PCLO: variants seen among roughly 807,000 people sequenced by gnomAD.
PCLO encodes the protein protein piccolo.
A neutral mutation model predicts 427.5 loss-of-function variants in PCLO; 82 were observed. The observed-to-expected ratio is 0.19, with a 90% CI of 0.16 to 0.23. The LOEUF (loss-of-function observed/expected upper bound fraction) is 0.23. Among genes scored for constraint, PCLO ranks in the 10% least tolerant of loss-of-function variants. The pLI is 1.00. For synonymous variants in PCLO, 2,357 were observed against 2,155.4 expected, an observed-to-expected ratio of 1.09 and a Z score of -2.59; for missense variants, 6,239 against 6,115.9, an observed-to-expected ratio of 1.02 and a Z score of -0.67.
chr7:82,859,294 G>A (rs1792892627), intron 10 of PCLO, among the ~76,000 whole-genome samples: 1 of 152,196 alleles, frequency 6.6e-6, no homozygotes, highest in African/African-American at 2.4e-5. Flanking sequence ...CAGGCCTTGG[G>A]CAAGATCCAG....
In PCLO at chr7:82,915,095, A is replaced by AGAGGAAGGTCTG. The variant is rs781343476; in HGVS notation, c.12879_12890dup (p.Arg4294_Ser4297dup). 9.4e-6 allele frequency: 15 copies of AGAGGAAGGTCTG among 1,600,778 alleles called. No homozygotes were observed. The highest frequency in any genetic ancestry group is 1.3e-5 in the Non-Finnish European group (15 of 1,173,014). On this transcript the variant is annotated inframe_insertion, in exon 7 of 25. Coordinates refer to ENST00000333891, the MANE Select transcript of PCLO (RefSeq NM_033026.6). ...TAATTGATAAATCAAGCCCATAGAC[A>AGAGGAAGGTCTG]GAGGAAGGTCTGGAGGAAGGTCTGG... is the stretch of plus-strand genomic sequence containing the variant.
chr7:82,778,431 T>C (rs148707180), intron 22 of PCLO, among the ~76,000 whole-genome samples: 1 of 152,286 alleles, frequency 6.6e-6, no homozygotes, highest in African/African-American at 2.4e-5. Flanking sequence ...CTCAAAGGAA[T>C]ATAAATCATT....
At chr7:82,777,235 C>T (rs371773903) in intron 22 of PCLO, among the ~76,000 whole-genome samples, 64 of 152,010 alleles carry the variant, frequency 4.2e-4, no homozygotes, top group African/African-American at 1.1e-3. Flanking sequence ...TACAAAATAC[C>T]GCTCAAAGAA....
rs759723422 is a variant in PCLO at position 82,824,400 on chromosome 7, G to A, written c.14432C>T (p.Ser4811Phe). ...AGTGTTATCGAGGTGAGATGTGCTAGATAAATCAATCAATACCTGAAAAAA... is the reference window on the plus strand; with the variant it reads ...AGTGTTATCGAGGTGAGATGTGCTAAATAAATCAATCAATACCTGAAAAAA... ...DFLGEVLIDL[S>F]STSHLDNTPR... Residue 4811 changes from serine to phenylalanine, a missense_variant, in exon 19 of 25, where the codon TCT becomes TTT. By Grantham distance (155) the Ser-to-Phe change is radical (BLOSUM62 -2). Transcript: ENST00000333891. The A allele has an allele frequency of 1.9e-6, 3 of 1,596,308 alleles. No homozygotes were observed. The South Asian group carries it at 3.4e-5, about 18-fold the overall frequency.
Position 82,950,586 on chromosome 7 carries a change from C to T in PCLO, c.10002G>A (p.Gln3334=). The change falls in exon 6 of 25, where the codon CAG becomes CAA. Residue 3334 remains glutamine (Q), a synonymous_variant. Transcript: ENST00000333891. ...CAGCATACTGACCTTCCAAAATTGC[C>T]TGCTCTGTAGTGGTTTGTGGAGAAG... ...GTASPQTTTE[Q]AILEGQYAAL... The T allele has an allele frequency of 6.2e-7, 1 of 1,613,854 alleles. No homozygotes were observed. The highest frequency in any genetic ancestry group is 8.5e-7 in the Non-Finnish European group (1 of 1,179,844).
At chr7:82,921,943 A>C (rs1173608788) in intron 6 of PCLO, among the ~76,000 whole-genome samples, 1 of 152,060 alleles carries the variant, frequency 6.6e-6, no homozygotes, top group Non-Finnish European at 1.5e-5. Flanking sequence ...CATTTCTCAA[A>C]AGACATTCAC....
At chr7:83,038,846 C>T (rs1011599924) in intron 3 of PCLO, among the ~76,000 whole-genome samples, 14 of 151,926 alleles carry the variant, frequency 9.2e-5, no homozygotes, top group African/African-American at 3.1e-4. Context: ...TTCACACCAG[C>T]TGTATATTAG....
intron 1 of PCLO, among the ~76,000 whole-genome samples, chr7:83,161,054 T>C (rs2116708788): frequency 6.6e-6 from 1 of 152,276 alleles, no homozygotes; most frequent in Non-Finnish European, 1.5e-5. Context: ...AAAACATATT[T>C]AACATAAAGG....
At position 82,950,227 on chromosome 7, in the gene PCLO, T is replaced by A. The variant is rs746440597; in HGVS notation, c.10361A>T (p.Asp3454Val). Residue 3454 changes from aspartate (D) to valine (V), a missense_variant, in exon 6 of 25, where the codon GAT becomes GTT. Physicochemically the swap from Asp to Val is radical, Grantham distance 152. Coordinates refer to ENST00000333891, the MANE Select transcript of PCLO (RefSeq NM_033026.6). ...CCTTCTCCTACTCACATAGCTCCGA[T>A]CTGTGGCATCTTCGTCATCCGTTTG... Reference protein sequence around the residue: ...GVQTDDEDATDRSYVSRRRRT... With the variant: ...GVQTDDEDATVRSYVSRRRRT... 1 of 1,612,878 alleles carries A rather than the reference T, an allele frequency of 6.2e-7. No individual in the cohort carries two copies. Among genetic ancestry groups the A allele is most frequent in the South Asian group, 1.1e-5 (1 of 91,000 alleles).
intron 1 of PCLO, among the ~76,000 whole-genome samples, chr7:83,157,478 A>G (rs778748962): frequency 1.3e-5 from 2 of 151,998 alleles, no homozygotes; most frequent in Non-Finnish European, 2.9e-5. Flanking sequence ...CAAGTAGTTA[A>G]TTTTCAAGAT....
At chr7:82,868,804 T>C (rs1793159337) in intron 10 of PCLO, among the ~76,000 whole-genome samples, 1 of 152,222 alleles carries the variant, frequency 6.6e-6, no homozygotes. Context: ...TATATTTCTA[T>C]CTTAGCTCCA....
chr7:82,956,452 C>T lies in PCLO; in HGVS notation c.4501G>A (p.Asp1501Asn). ...GGCTCTCTTCTAGTAGTTATGTCAT[C>T]AACAAACTCAGACTTCTCTTTATGG... is the stretch of plus-strand genomic sequence containing the variant. ...KDHKEKSEFV[D>N]DITTRREPYD... The change falls in exon 5 of 25, where the codon GAT becomes AAT. Residue 1501 changes from aspartate to asparagine, a missense_variant. By Grantham distance (23) the Asp-to-Asn change is conservative. This residue lies in a region of PCLO where 4,677 missense variants were observed against 4,468.4 expected (regional missense o/e 1.05). Transcript: ENST00000333891. 6.2e-7 allele frequency: 1 copy of T among 1,613,784 alleles called. No individual in the cohort carries two copies. The highest frequency in any genetic ancestry group is 8.5e-7 in the Non-Finnish European group (1 of 1,179,794).
chr7:83,094,709 G>A (rs1394558998), intron 3 of PCLO, among the ~76,000 whole-genome samples: 1 of 152,168 alleles, frequency 6.6e-6, no homozygotes, highest in Non-Finnish European at 1.5e-5. Context: ...TTGTGGACAA[G>A]TGGTTGTATG....
chr7:83,141,819 C>T (rs2116639309), intron 2 of PCLO, among the ~76,000 whole-genome samples: 1 of 152,082 alleles, frequency 6.6e-6, no homozygotes, highest in East Asian at 1.9e-4. Flanking sequence ...ATTAATGGTG[C>T]CCTTTTCAAA....
chr7:83,101,939 G>C (rs1790748717), intron 3 of PCLO, among the ~76,000 whole-genome samples: 3 of 151,918 alleles, frequency 2.0e-5, no homozygotes, highest in Admixed American at 2.0e-4. Context: ...TTCATTTTGT[G>C]ACTCAGAGTC....
rs1794030588 is a variant in PCLO, at chr7:82,901,203, AAT to A, written c.13528+1446_13528+1447del. On this transcript the variant is annotated intron_variant, in intron 9 of 24. Transcript: ENST00000333891. ...TCCTCATATTAATGATCATGTCATC[AAT>A]GTCTTTTATGTTCAAATGTATATCC... Among the ~76,000 whole-genome samples, 4 of 151,880 alleles carry A rather than the reference AAT, an allele frequency of 2.6e-5. No individual in the cohort carries two copies. The South Asian group carries it at 6.2e-4, about 24-fold the overall frequency.
intron 3 of PCLO, among the ~76,000 whole-genome samples, chr7:83,088,315 C>T (rs1021387844): frequency 2.0e-5 from 3 of 152,146 alleles, no homozygotes; most frequent in African/African-American, 7.2e-5. Flanking sequence ...GATGTGAAGG[C>T]TTTGCATCCC....
At chr7:83,148,310 C>G (rs1792044967) in intron 2 of PCLO, among the ~76,000 whole-genome samples, 1 of 152,132 alleles carries the variant, frequency 6.6e-6, no homozygotes, top group African/African-American at 2.4e-5. Flanking sequence ...AACCCCATCC[C>G]TCTCTTGGAA....
intron 6 of PCLO, among the ~76,000 whole-genome samples, chr7:82,933,659 T>C (rs1188289718): frequency 2.0e-5 from 3 of 151,948 alleles, no homozygotes; most frequent in Non-Finnish European, 2.9e-5. Context: ...AATGCTGACA[T>C]TGAACATTTA....
Sources: allele counts gnomAD v4.1 joint callset (sites outside exome capture counted in the v4.1 genomes callset), GRCh38; gene constraint gnomAD v4.1.1; regional missense constraint gnomAD v4.1.1; transcripts MANE v1.5; gene names NCBI Gene and HGNC (gene_info 2026-07-23, HGNC 2026-07-21).